CELSR1: variants seen among roughly 807,000 people sequenced by gnomAD.
The protein encoded by CELSR1 is adhesion G protein-coupled receptor C1.
In CELSR1, 110 loss-of-function variants were observed where a neutral mutation model predicts 249.1. That is an observed-to-expected ratio of 0.44 (90% CI 0.38 to 0.52). The LOEUF is 0.52. Among genes scored for constraint, CELSR1 ranks in the 20% least tolerant of loss-of-function variants. The pLI, the probability that CELSR1 is intolerant of heterozygous loss-of-function variation, is 0.00. For missense variants in CELSR1, 4,109 were observed against 4,296.4 expected (o/e 0.96, Z 1.22); for synonymous variants, 2,113 against 1,900.0 (o/e 1.11, Z -2.92).
intron 27 of CELSR1, 103 bp downstream of exon 27, chr22:46,369,076 T>A: frequency 1.6e-5 from 15 of 937,404 alleles, no homozygotes; most frequent in East Asian, 2.9e-5. Flanking sequence ...CCCTCCTCCA[T>A]GAGGCCTACA....
intron 1 of CELSR1, 140 bp downstream of exon 1, chr22:46,533,487 C>T (rs1337423982): frequency 3.9e-6 from 5 of 1,274,268 alleles, no homozygotes; most frequent in Admixed American, 2.8e-5. Context: ...AGCATCCAAC[C>T]GGCGGCAACA....
At position 46,484,095 on chromosome 22, in the gene CELSR1, C is replaced by A. The variant is rs554781980; in HGVS notation, c.3545-19750G>T. On this transcript the variant is annotated intron_variant, in intron 1 of 34. Coordinates refer to ENST00000674500, the MANE Select transcript of CELSR1 (RefSeq NM_001378328.1). The surrounding 1 kb of genome is among the most constrained non-coding windows in gnomAD (Gnocchi z 4.5). ...CACGCTCTGCCCTGGCTCTCAGACT[C>A]ACCTGTAGGGAGGAGCGCCCCAGGC... Among the ~76,000 whole-genome samples the A allele has an allele frequency of 1.3e-5, 2 of 152,334 alleles. No individual in the cohort carries two copies. Among genetic ancestry groups the A allele is most frequent in the South Asian group, 4.1e-4 (2 of 4,824 alleles).
At chr22:46,487,192 T>C (rs1456417205) in intron 1 of CELSR1, among the ~76,000 whole-genome samples, 1 of 152,172 alleles carries the variant, frequency 6.6e-6, no homozygotes, top group Non-Finnish European at 1.5e-5. Context: ...GATTAAGAGA[T>C]GACTTACAAG....
intron 1 of CELSR1, among the ~76,000 whole-genome samples, chr22:46,475,660 G>GGGA (rs1555926102): frequency 3.0e-4 from 6 of 20,252 alleles, no homozygotes. Flanking sequence ...AGAAACGAAT[G>GGGA]GGGGGGGAAG....
chr22:46,386,374 T>A, intron 19 of CELSR1, 28 bp downstream of exon 19: 1 of 1,512,686 alleles, frequency 6.6e-7, no homozygotes, highest in Non-Finnish European at 8.9e-7. Context: ...GTAGCAGGGT[T>A]CCACCCCCAA....
intron 1 of CELSR1, among the ~76,000 whole-genome samples, chr22:46,516,310 A>G (rs1229713502): frequency 6.6e-6 from 1 of 152,172 alleles, no homozygotes; most frequent in African/African-American, 2.4e-5. Context: ...CTTTGTAAGG[A>G]CATGGATGAA....
Position 46,409,743 on chromosome 22 carries a change from C to T in CELSR1, c.5059+12G>A. On this transcript the variant is annotated intron_variant, in intron 8 of 34. Coordinates refer to ENST00000674500, the MANE Select transcript of CELSR1 (RefSeq NM_001378328.1). The surrounding 1 kb of genome is among the most constrained non-coding windows in gnomAD (Gnocchi z 9.8). ...GCCGTGACCGGGGGGATGGACGACG[C>T]CGGCCACTCACCTTGCTCACAGTTC... The T allele has an allele frequency of 6.2e-7, 1 of 1,612,100 alleles. No individual in the cohort carries two copies.
intron 18 of CELSR1, among the ~76,000 whole-genome samples, chr22:46,388,715 G>C (rs1207054574): frequency 3.3e-5 from 5 of 152,214 alleles, no homozygotes; most frequent in Non-Finnish European, 7.3e-5. Flanking sequence ...CAAATATCAG[G>C]CTGCGTGAGT....
At position 46,430,653 on chromosome 22, in the gene CELSR1, G is replaced by A. The variant is rs748374081; in HGVS notation, c.4611+2740C>T. 5.3e-5 allele frequency among the ~76,000 whole-genome samples: 8 copies of A among 152,194 alleles called. No individual in the cohort carries two copies. Among genetic ancestry groups the A allele is most frequent in the Non-Finnish European group, 7.3e-5 (5 of 68,036 alleles). The stretch of plus-strand genomic sequence containing the variant: ...CCCCCAAGGTGGCTGCTGGAGGACA[G>A]GACCAGAGGTGACATTGGAGACAAA... On this transcript the variant is annotated intron_variant, in intron 5 of 34. Coordinates refer to ENST00000674500, the MANE Select transcript of CELSR1 (RefSeq NM_001378328.1). This position sits in a 1 kb window ranked among gnomAD's most constrained non-coding sequence, Gnocchi z 4.6.
chr22:46,401,636 T>C lies in CELSR1; in HGVS notation c.5227-1734A>G, dbSNP rs1031984488. Reference sequence around the variant, plus strand: ...TCCATCAGTCGCCTGTGACCTAGAGTCTCAAGATGCCTAAAAGCTTTCTAG... The same window carrying C: ...TCCATCAGTCGCCTGTGACCTAGAGCCTCAAGATGCCTAAAAGCTTTCTAG... On this transcript the variant is annotated intron_variant, in intron 9 of 34. Transcript: ENST00000674500. This position sits in a 1 kb window ranked among gnomAD's most constrained non-coding sequence, Gnocchi z 4.7. Among the ~76,000 whole-genome samples, 1 of 152,044 alleles carries C rather than the reference T, an allele frequency of 6.6e-6. No homozygotes were observed. Among genetic ancestry groups the C allele is most frequent in the Non-Finnish European group, 1.5e-5 (1 of 68,012 alleles).
rs571059639 is a variant in CELSR1 at position 46,533,865 on chromosome 22, G to C, written c.3306C>G (p.Pro1102=). 3 of 1,613,698 alleles carry C rather than the reference G, an allele frequency of 1.9e-6. No individual in the cohort carries two copies. The highest frequency in any genetic ancestry group is 2.5e-6 in the Non-Finnish European group (3 of 1,180,036). ...VDQNDNPPVL[P]DFQILFNNYV... ...AGTTGTTGAAGAGGATCTGGAAGTC[G>C]GGCAGCACAGGCGGGTTGTCATTCT... Residue 1102 remains proline, a synonymous_variant, in exon 1 of 35, where the codon CCC becomes CCG. Transcript: ENST00000674500.
rs557449656 is a variant in CELSR1 at position 46,381,679 on chromosome 22, T to C, written c.7088+167A>G. Among the ~76,000 whole-genome samples the C allele has an allele frequency of 2.4e-4, 37 of 152,176 alleles. No homozygotes were observed. The highest frequency in any genetic ancestry group is 8.7e-4 in the African/African-American group (36 of 41,524). On this transcript the variant is annotated intron_variant, in intron 21 of 34. Transcript: ENST00000674500. The surrounding 1 kb of genome is among the most constrained non-coding windows in gnomAD (Gnocchi z 6.0). ...GGTATCCTGTGGCAGACCCAGAATCTCCCTCCAAGGACCACCACAAGGCAA... is the reference window on the plus strand; with the variant it reads ...GGTATCCTGTGGCAGACCCAGAATCCCCCTCCAAGGACCACCACAAGGCAA...
chr22:46,493,161 G>T (rs1331640283), intron 1 of CELSR1, among the ~76,000 whole-genome samples: 2 of 151,448 alleles, frequency 1.3e-5, no homozygotes, highest in African/African-American at 2.4e-5. Context: ...GAGGCAGGAA[G>T]ATCAGTTGAG....
intron 1 of CELSR1, among the ~76,000 whole-genome samples, chr22:46,522,992 G>C (rs891605977): frequency 5.3e-5 from 8 of 152,246 alleles, no homozygotes; most frequent in Admixed American, 2.0e-4. Flanking sequence ...CGGAACTGCA[G>C]GGCAGCTGAA....
At chr22:46,531,203 T>TTATG (rs1209065280) in intron 1 of CELSR1, among the ~76,000 whole-genome samples, 1 of 151,458 alleles carries the variant, frequency 6.6e-6, no homozygotes, top group Non-Finnish European at 1.5e-5. Flanking sequence ...ATTTATTTAT[T>TTATG]TATTTATTTA....
rs564370872 is a variant in CELSR1, at chr22:46,407,395, G to A, written c.5226+1601C>T. On this transcript the variant is annotated intron_variant, in intron 9 of 34. Coordinates refer to ENST00000674500, the MANE Select transcript of CELSR1 (RefSeq NM_001378328.1). This position sits in a 1 kb window ranked among gnomAD's most constrained non-coding sequence, Gnocchi z 4.8. ...CTGTAATCCCAGCACTTTGGGAGGC[G>A]GAGGCGAGTGGATCACCTGAGGTCA... is the stretch of plus-strand genomic sequence containing the variant. Among the ~76,000 whole-genome samples, 14 of 152,162 alleles carry A rather than the reference G, an allele frequency of 9.2e-5. No homozygotes were observed. The highest frequency in any genetic ancestry group is 8.3e-4 in the South Asian group (4 of 4,810).
At chr22:46,466,541 C>T (rs1011493073) in intron 1 of CELSR1, among the ~76,000 whole-genome samples, 1 of 152,188 alleles carries the variant, frequency 6.6e-6, no homozygotes, top group Non-Finnish European at 1.5e-5. Flanking sequence ...CAAGCCACCC[C>T]AGGGAGGACC....
chr22:46,515,337 T>G (rs1390296754), intron 1 of CELSR1, among the ~76,000 whole-genome samples: 1 of 152,218 alleles, frequency 6.6e-6, no homozygotes, highest in African/African-American at 2.4e-5. Context: ...TCTCAGTGCG[T>G]ATCACAAAGG....
At chr22:46,452,968 G>C (rs1461451020) in intron 2 of CELSR1, among the ~76,000 whole-genome samples, 2 of 152,258 alleles carry the variant, frequency 1.3e-5, no homozygotes, top group Non-Finnish European at 2.9e-5. Context: ...ATAGAGTTGA[G>C]TGGGGACATT....
Sources: allele counts gnomAD v4.1 joint callset (sites outside exome capture counted in the v4.1 genomes callset), GRCh38; gene constraint gnomAD v4.1.1; non-coding constraint Gnocchi (gnomAD v3.1); transcripts MANE v1.5; gene names NCBI Gene and HGNC (gene_info 2026-07-23, HGNC 2026-07-21).